C4orf51: variants seen among roughly 807,000 people sequenced by gnomAD.
C4orf51 encodes uncharacterized protein C4orf51.
A neutral mutation model predicts 25.2 loss-of-function variants in C4orf51; 25 were observed. The ratio of observed to expected loss-of-function variants is 0.99; its 90% CI spans 0.72 to 1.39. C4orf51 has a LOEUF of 1.39. Ranked by LOEUF, C4orf51 falls within the 40% of genes most tolerant of loss-of-function variation. C4orf51 has a pLI of 0.00. For missense variants in C4orf51, 252 were observed against 239.6 expected, an observed-to-expected ratio of 1.05 and a Z score of -0.34; for synonymous variants, 100 against 84.5, an observed-to-expected ratio of 1.18 and a Z score of -1.01.
chr4:145,711,570 T>C (rs1731130460), intron 2 of C4orf51, among the ~76,000 whole-genome samples: 1 of 152,196 alleles, frequency 6.6e-6, no homozygotes, highest in South Asian at 2.1e-4. Context: ...TTGATAGTGT[T>C]CCCCAAATCC....
At chr4:145,699,617 C>T (rs1730298197) in intron 2 of C4orf51, among the ~76,000 whole-genome samples, 1 of 152,194 alleles carries the variant, frequency 6.6e-6, no homozygotes, top group Admixed American at 6.5e-5. Flanking sequence ...GGGAAGGCAG[C>T]CTTCCCTTGG....
At chr4:145,714,340 A>G (rs72952627) in intron 2 of C4orf51, among the ~76,000 whole-genome samples, 11,132 of 152,212 alleles carry the variant, frequency 0.073, 514 homozygotes, top group South Asian at 0.14. Flanking sequence ...TCACATAATT[A>G]CCTTTTTTTA....
chr4:145,765,425 A>G lies in C4orf51; in HGVS notation n.167-5563A>G. 1 of 1,234,162 alleles carries G rather than the reference A, an allele frequency of 8.1e-7. No individual in the cohort carries two copies. The highest frequency in any genetic ancestry group is 2.5e-5 in the East Asian group (1 of 40,422). 76.5% of individuals were successfully genotyped at this position (1,234,162 alleles called of 1,614,324 possible). A position where few individuals can be genotyped will look rare whatever the true frequency, so the allele number is the denominator to read the frequency against. ...GAAATACAACCTTTAGGTGAGGCCC[A>G]GCATACTGCATCCTGGGCCTATTAT... On this transcript the variant is annotated intron_variant and non_coding_transcript_variant, in intron 1 of 1. Transcript: ENST00000510096. The surrounding 1 kb of genome is among the most constrained non-coding windows in gnomAD (Gnocchi z 4.7).
chr4:145,740,971 T>C (rs1733065900), intron 1 of C4orf51, among the ~76,000 whole-genome samples: 1 of 152,140 alleles, frequency 6.6e-6, no homozygotes, highest in South Asian at 2.1e-4. Flanking sequence ...GCAGTGAGTG[T>C]GGGGAGGATT....
chr4:145,690,735 C>G (rs1431333769), intron 1 of C4orf51, among the ~76,000 whole-genome samples: 1 of 152,078 alleles, frequency 6.6e-6, no homozygotes, highest in African/African-American at 2.4e-5. Flanking sequence ...ATCTATGCAT[C>G]CAACAAAGGA....
At chr4:145,715,799 G>T (rs886593075) in intron 2 of C4orf51, among the ~76,000 whole-genome samples, 1 of 152,156 alleles carries the variant, frequency 6.6e-6, no homozygotes, top group Non-Finnish European at 1.5e-5. Flanking sequence ...GCAGGAAAAT[G>T]ACCATGTTCC....
intron 1 of C4orf51, among the ~76,000 whole-genome samples, chr4:145,747,376 C>T (rs1560865710): frequency 7.2e-6 from 1 of 139,118 alleles, no homozygotes; most frequent in Non-Finnish European, 1.6e-5. Context: ...TCCTTCTGTG[C>T]CCAGTTTTTT....
chr4:145,782,504 A>T, the C4orf51 span, among the ~76,000 whole-genome samples: 3 of 152,152 alleles, frequency 2.0e-5, 1 homozygote, highest in Admixed American at 2.0e-4. Context: ...CCAATCAGTC[A>T]CCAGAAGCTG....
intron 1 of C4orf51, among the ~76,000 whole-genome samples, chr4:145,764,027 A>T (rs1449661642): frequency 6.6e-6 from 1 of 152,048 alleles, no homozygotes; most frequent in African/African-American, 2.4e-5. Context: ...TTCCTCACCC[A>T]TCTAGGGGAG....
downstream of C4orf51, among the ~76,000 whole-genome samples, chr4:145,755,830 A>G (rs972939873): frequency 6.6e-6 from 1 of 152,210 alleles, no homozygotes; most frequent in African/African-American, 2.4e-5. Context: ...AGTATCTTGA[A>G]TATCTGTGAT....
downstream of C4orf51, among the ~76,000 whole-genome samples, chr4:145,733,204 C>T (rs1732595117): frequency 2.6e-5 from 4 of 152,094 alleles, no homozygotes; most frequent in South Asian, 8.3e-4. Context: ...CCGCTCCTCC[C>T]GGCCCGCCGG....
At chr4:145,729,326 T>G (rs1340655405) in intron 4 of C4orf51, 97 bp downstream of exon 4, 1 of 663,736 alleles carries the variant, frequency 1.5e-6, no homozygotes, top group Non-Finnish European at 2.4e-6. Context: ...TTTTTTGAGA[T>G]GGAGTCTCAC....
At chr4:145,715,627 C>T (rs1317869610) in intron 2 of C4orf51, among the ~76,000 whole-genome samples, 1 of 152,174 alleles carries the variant, frequency 6.6e-6, no homozygotes, top group East Asian at 1.9e-4. Flanking sequence ...CACTATAGTA[C>T]TGTCATCCAT....
intron 1 of C4orf51, among the ~76,000 whole-genome samples, chr4:145,738,797 G>A (rs905658134): frequency 7.2e-5 from 11 of 151,868 alleles, no homozygotes; most frequent in Admixed American, 3.3e-4. Flanking sequence ...GCACCACAAC[G>A]CCCGACTAAT....
intron 2 of C4orf51, among the ~76,000 whole-genome samples, chr4:145,706,851 G>A (rs1049658376): frequency 1.4e-5 from 2 of 140,956 alleles, no homozygotes. Flanking sequence ...CCCTCTTGTC[G>A]CCCAGGCTAG....
chr4:145,709,017 A>T (rs1231165865), intron 2 of C4orf51, among the ~76,000 whole-genome samples: 1 of 152,224 alleles, frequency 6.6e-6, no homozygotes, highest in Non-Finnish European at 1.5e-5. Flanking sequence ...TGGAGGCTAC[A>T]GGAAGAAGTG....
At chr4:145,690,919 T>C (rs1193250466) in intron 1 of C4orf51, among the ~76,000 whole-genome samples, 2 of 151,966 alleles carry the variant, frequency 1.3e-5, no homozygotes, top group Admixed American at 1.3e-4. Flanking sequence ...CTTGGGAACA[T>C]AGGGAAACCC....
intron 1 of C4orf51, among the ~76,000 whole-genome samples, chr4:145,684,648 G>A (rs1253450776): frequency 6.6e-6 from 1 of 152,198 alleles, no homozygotes; most frequent in Non-Finnish European, 1.5e-5. Context: ...TGTAACAAAT[G>A]TACCACTGTG....
intron 1 of C4orf51, chr4:145,764,918 G>A: frequency 6.2e-7 from 1 of 1,605,408 alleles, no homozygotes; most frequent in Non-Finnish European, 8.5e-7. Flanking sequence ...CACGGGAAGG[G>A]ACGGGGTAGG....
Sources: allele counts gnomAD v4.1 joint callset (sites outside exome capture counted in the v4.1 genomes callset), GRCh38; gene constraint gnomAD v4.1.1; non-coding constraint Gnocchi (gnomAD v3.1); transcripts MANE v1.5; gene names NCBI Gene and HGNC (gene_info 2026-07-23, HGNC 2026-07-21).